Variants in SRRT observed in about 807,000 individuals in gnomAD.
SRRT encodes the protein serrate, RNA effector molecule.
In SRRT, 32 loss-of-function variants were observed where a neutral mutation model predicts 103.2. The ratio of observed to expected loss-of-function variants is 0.31; its 90% CI spans 0.23 to 0.42. SRRT has a LOEUF of 0.42. SRRT is among the 10% of genes least tolerant of loss of function. The pLI is 1.00. For synonymous variants in SRRT, 525 were observed against 449.0 expected (o/e 1.17, Z -2.14); for missense variants, 986 against 1,207.5 (o/e 0.82, Z 2.72).
At position 100,887,597 on chromosome 7, in the gene SRRT, C is replaced by T; in HGVS notation, c.2169+84C>T. 1 of 1,579,644 alleles carries T rather than the reference C, an allele frequency of 6.3e-7. No individual in the cohort carries two copies. The highest frequency in any genetic ancestry group is 8.6e-7 in the Non-Finnish European group (1 of 1,159,828). Reference sequence around the variant, plus strand: ...AGCCCCCTGGGCAGGGGTGGGGGAACTGCTTACTGCACTGGCAGGCGGGAG... The same window carrying T: ...AGCCCCCTGGGCAGGGGTGGGGGAATTGCTTACTGCACTGGCAGGCGGGAG... On this transcript the variant is annotated intron_variant, in intron 16 of 19. Transcript: ENST00000611405. This position sits in a 1 kb window ranked among gnomAD's most constrained non-coding sequence, Gnocchi z 4.1.
Position 100,884,075 on chromosome 7 carries a change from G to A in SRRT, c.593G>A (p.Arg198Gln), listed in dbSNP as rs751487130. ...FLAHKDEEWF[R>Q]SKYHPDEVGK... is the part of the protein sequence containing the mutation. ...CTCCCCCGCTTCGTTCCCAGGTTTC[G>A]GTCTAAGTACCACCCAGATGAGGTG... The change falls in exon 6 of 20, where the codon CGG becomes CAG. Residue 198 changes from arginine to glutamine, a missense_variant. Physicochemically the swap from Arg to Gln is conservative, Grantham distance 43 (BLOSUM62 1). Around this residue, in one of 6 missense-constraint regions of SRRT, gnomAD observed 274 missense variants for 358.5 expected, o/e 0.76. Coordinates refer to ENST00000611405, the MANE Select transcript of SRRT (RefSeq NM_015908.6). The A allele has an allele frequency of 5.7e-6, 9 of 1,575,364 alleles. No individual in the cohort carries two copies. The highest frequency in any genetic ancestry group is 2.3e-5 in the East Asian group (1 of 44,302).
At chr7:100,886,718 CTT>C in intron 13 of SRRT, 75 bp from the exon 14 acceptor site, 2 of 1,525,918 alleles carry the variant, frequency 1.3e-6, no homozygotes, top group Non-Finnish European at 1.8e-6. Context: ...CCTCGCTGCT[CTT>C]TCACTTGTGG....
At position 100,887,175 on chromosome 7, in the gene SRRT, A is replaced by T; in HGVS notation, c.1950A>T (p.Pro650=). The T allele has an allele frequency of 6.2e-7, 1 of 1,614,048 alleles. No homozygotes were observed. Among genetic ancestry groups the T allele is most frequent in the Non-Finnish European group, 8.5e-7 (1 of 1,179,996 alleles). The change falls in exon 15 of 20, where the codon CCA becomes CCT. Residue 650 remains proline (P), a synonymous_variant. Transcript: ENST00000611405. The surrounding 1 kb of genome is among the most constrained non-coding windows in gnomAD (Gnocchi z 4.1). The part of the protein sequence containing the change: ...CGIIHVRGPM[P]PNRISHGEVL... ...TCATCCACGTTCGGGGGCCCATGCC[A>T]CCCAACCGCATCAGTCACGGGGAAG...
intron 2 of SRRT, among the ~76,000 whole-genome samples, chr7:100,877,785 G>T (rs866971584): frequency 6.6e-6 from 1 of 152,112 alleles, no homozygotes; most frequent in African/African-American, 2.4e-5. Flanking sequence ...CTCTCAAAGT[G>T]CTGGGATTAC....
chr7:100,878,701 C>CT (rs1236841188), intron 2 of SRRT, among the ~76,000 whole-genome samples: 2 of 113,352 alleles, frequency 1.8e-5, no homozygotes, highest in Non-Finnish European at 3.9e-5. Flanking sequence ...GCCTGATTTT[C>CT]TGTTTTTTTT....
intron 2 of SRRT, among the ~76,000 whole-genome samples, chr7:100,876,118 A>AG (rs1815673083): frequency 6.6e-6 from 1 of 152,152 alleles, no homozygotes. Context: ...CTGGGACTCC[A>AG]GGGGGAGGCC....
In SRRT at chr7:100,882,782, A is replaced by G. The variant is rs1229324053; in HGVS notation, c.587+541A>G. On this transcript the variant is annotated intron_variant, in intron 5 of 19. Transcript: ENST00000611405. The surrounding 1 kb of genome is among the most constrained non-coding windows in gnomAD (Gnocchi z 4.2). ...TTGAAAAGAGCCAGAACTGGGAACT[A>G]CACCCGCTCATCGACGGAGCTCGGA... The G allele has an allele frequency of 6.5e-6, 1 of 154,002 alleles. No homozygotes were observed. The highest frequency in any genetic ancestry group is 2.4e-5 in the African/African-American group (1 of 41,260). The allele number at this position is 154,002 out of a possible 1,614,324, so 9.5% of individuals were successfully genotyped here.
chr7:100,879,138 C>T (rs1816045006), intron 2 of SRRT, among the ~76,000 whole-genome samples: 1 of 151,932 alleles, frequency 6.6e-6, no homozygotes, highest in African/African-American at 2.4e-5. Flanking sequence ...GTGTATTTAG[C>T]AGAGACAGGG....
Position 100,888,059 on chromosome 7 carries a change from A to C in SRRT, c.2344A>C (p.Thr782Pro). The change falls in exon 18 of 20, where the codon ACC (threonine) becomes CCC (proline). Residue 782 changes from threonine (T) to proline (P), a missense_variant. Physicochemically the swap from Thr to Pro is conservative, Grantham distance 38. Transcript: ENST00000611405. ...GPAQILPPGL[T>P]PGLPYPHQTP... The stretch of plus-strand genomic sequence containing the variant: ...CCGTGTTGTACTCCCCCCAGGTTTG[A>C]CCCCAGGACTCCCCTACCCACACCA... 6.4e-7 allele frequency: 1 copy of C among 1,552,918 alleles called. No individual in the cohort carries two copies.
At chr7:100,876,693 G>A (rs1168225444) in intron 2 of SRRT, among the ~76,000 whole-genome samples, 3 of 152,192 alleles carry the variant, frequency 2.0e-5, no homozygotes, top group Non-Finnish European at 4.4e-5. Flanking sequence ...GGGTGTTACA[G>A]TGAGCTTGGC....
At chr7:100,877,174 G>A (rs924579211) in intron 2 of SRRT, among the ~76,000 whole-genome samples, 1 of 151,150 alleles carries the variant, frequency 6.6e-6, no homozygotes, top group Non-Finnish European at 1.5e-5. Flanking sequence ...TGAAATCCCA[G>A]CACTTTGGGA....
Position 100,877,072 on chromosome 7 carries a change from A to G in SRRT, c.122+1360A>G, listed in dbSNP as rs191587496. Among the ~76,000 whole-genome samples the G allele has an allele frequency of 5.7e-4, 86 of 152,146 alleles. 1 individual carries two copies. The highest frequency in any genetic ancestry group is 4.9e-3 in the Admixed American group (75 of 15,278). On this transcript the variant is annotated intron_variant, in intron 2 of 19. Coordinates refer to ENST00000611405, the MANE Select transcript of SRRT (RefSeq NM_015908.6). ...TTCCACTGTTGGTGCCATAGCAATG[A>G]TGGGTAAAACCGCTGATGCTTTACC...
Position 100,875,331 on chromosome 7 carries a change from G to C in SRRT, c.-19+3G>C. On this transcript the variant is annotated splice_donor_region_variant and intron_variant, in intron 1 of 19. Transcript: ENST00000611405. ...CCAACGGCCGCGGCCGCACCAAGGT[G>C]GGGGAGGGGAGGAGCCTGGGGGGCC... The C allele has an allele frequency of 8.2e-7, 1 of 1,212,258 alleles. No homozygotes were observed. Among genetic ancestry groups the C allele is most frequent in the Non-Finnish European group, 1.1e-6 (1 of 949,756 alleles). 75.1% of individuals were successfully genotyped at this position (1,212,258 alleles called of 1,614,324 possible). A position where few individuals can be genotyped will look rare whatever the true frequency, so the allele number is the denominator to read the frequency against.
In SRRT at chr7:100,882,473, C is replaced by T. The variant is rs1789674529; in HGVS notation, c.587+232C>T. The T allele has an allele frequency of 2.1e-6, 1 of 476,530 alleles. No individual in the cohort carries two copies. Among genetic ancestry groups the T allele is most frequent in the East Asian group, 3.8e-5 (1 of 26,162 alleles). 29.5% of individuals were successfully genotyped at this position (476,530 alleles called of 1,614,324 possible). A position where few individuals can be genotyped will look rare whatever the true frequency, so the allele number is the denominator to read the frequency against. On this transcript the variant is annotated intron_variant, in intron 5 of 19. Transcript: ENST00000611405. The surrounding 1 kb of genome is among the most constrained non-coding windows in gnomAD (Gnocchi z 4.2). ...CTGTCCTCAGAGAGTGGGACACCTC[C>T]AGGCAGCAGGCCAGAGCCACTTGGC...
Position 100,880,713 on chromosome 7 carries a change from G to T in SRRT, c.123-572G>T, listed in dbSNP as rs1488886444. The T allele has an allele frequency of 6.9e-6, 3 of 434,686 alleles. No homozygotes were observed. The Admixed American group carries it at 7.5e-5, about 11-fold the overall frequency. The allele number at this position is 434,686 out of a possible 1,614,324, so 26.9% of individuals were successfully genotyped here. On this transcript the variant is annotated intron_variant, in intron 2 of 19. Transcript: ENST00000611405. The stretch of plus-strand genomic sequence containing the variant: ...ATTTTTAGAGACAGGGTCTCCCTCT[G>T]TCACCCGGGCTGAGTGCACTGGTGC...
intron 18 of SRRT, 55 bp from the exon 19 acceptor site, chr7:100,888,202 C>G (rs894901055): frequency 4.4e-6 from 7 of 1,599,452 alleles, no homozygotes; most frequent in Non-Finnish European, 5.1e-6. Flanking sequence ...GAGAAGAAAA[C>G]AGAGGATGGA....
At position 100,881,385 on chromosome 7, in the gene SRRT, C is replaced by A; in HGVS notation, c.223C>A (p.Pro75Thr). ...CTCGCCACCTCGCCACGAACTCAGC[C>A]CGCCACAGAAGCGCATGAGGAGAGA... ...RFSPPRHELSPPQKRMRRDWD... is the reference protein window; with the variant it reads ...RFSPPRHELSTPQKRMRRDWD... Residue 75 changes from proline (P) to threonine (T), a missense_variant, in exon 3 of 20, where the codon CCG (proline) becomes ACG (threonine). Physicochemically the swap from Pro to Thr is conservative, Grantham distance 38. Around this residue, in one of 6 missense-constraint regions of SRRT, gnomAD observed 274 missense variants for 358.5 expected, o/e 0.76. Coordinates refer to ENST00000611405, the MANE Select transcript of SRRT (RefSeq NM_015908.6). 1.2e-6 allele frequency: 2 copies of A among 1,613,826 alleles called. No individual in the cohort carries two copies. The highest frequency in any genetic ancestry group is 1.7e-6 in the Non-Finnish European group (2 of 1,179,848).
At position 100,881,656 on chromosome 7, in the gene SRRT, C is replaced by T. The variant is rs1789575950; in HGVS notation, c.252-3C>T. 1.2e-6 allele frequency: 2 copies of T among 1,613,856 alleles called. No homozygotes were observed. The highest frequency in any genetic ancestry group is 1.6e-4 in the Middle Eastern group (1 of 6,084). On this transcript the variant is annotated splice_polypyrimidine_tract_variant and splice_region_variant and intron_variant, in intron 3 of 19. Transcript: ENST00000611405. ...GCTTTACTTTTGTGTCCCCCACCTTCAGGGATGAGCACAGCTCTGACCCAT... is the reference window on the plus strand; with the variant it reads ...GCTTTACTTTTGTGTCCCCCACCTTTAGGGATGAGCACAGCTCTGACCCAT...
intron 2 of SRRT, among the ~76,000 whole-genome samples, chr7:100,878,639 G>C (rs1318037899): frequency 6.6e-6 from 1 of 150,906 alleles, no homozygotes; most frequent in African/African-American, 2.4e-5. Context: ...TATCCAAAAT[G>C]AATATCTACA....
Sources: gnomAD v4.1 joint callset for allele counts (sites outside exome capture counted in the v4.1 genomes callset) on GRCh38, gnomAD v4.1.1 for gene constraint, gnomAD v4.1.1 regional missense constraint, Gnocchi (gnomAD v3.1) non-coding constraint, MANE v1.5 for transcripts, NCBI Gene and HGNC (gene_info 2026-07-23, HGNC 2026-07-21) for gene names.